The following CSMD3 variants were observed in gnomAD, a reference collection of about 807,000 sequenced individuals.
The protein encoded by CSMD3 is CUB and Sushi multiple domains 3.
CSMD3 carries 177 observed loss-of-function variants against 435.2 expected under a neutral mutation model. The ratio of observed to expected loss-of-function variants is 0.41; its 90% CI spans 0.36 to 0.46. The LOEUF (loss-of-function observed/expected upper bound fraction) is 0.46. CSMD3 is among the 20% of genes least tolerant of loss of function. CSMD3 has a pLI of 0.34. For missense variants in CSMD3, 4,265 were observed against 4,504.6 expected, an observed-to-expected ratio of 0.95 and a Z score of 1.52; for synonymous variants, 1,656 against 1,520.5, an observed-to-expected ratio of 1.09 and a Z score of -2.07.
At chr8:113,273,183 T>C (rs2093543151) in intron 3 of CSMD3, among the ~76,000 whole-genome samples, 1 of 152,004 alleles carries the variant, frequency 6.6e-6, no homozygotes, top group Admixed American at 6.6e-5. Context: ...AATAAAACAT[T>C]TTCTTGATTA....
intron 2 of CSMD3, among the ~76,000 whole-genome samples, chr8:113,293,410 G>A (rs1000825723): frequency 8.6e-5 from 13 of 152,036 alleles, no homozygotes; most frequent in Admixed American, 7.9e-4. Context: ...CTGTGGAAGT[G>A]ACTGTATTGC....
chr8:112,609,887 C>A (rs1379890013), intron 22 of CSMD3, among the ~76,000 whole-genome samples: 1 of 151,970 alleles, frequency 6.6e-6, no homozygotes, highest in Non-Finnish European at 1.5e-5. Flanking sequence ...GATGAACCTG[C>A]AAGACATTAT....
chr8:112,477,720 A>G (rs10087026), intron 31 of CSMD3, among the ~76,000 whole-genome samples: 124,464 of 152,182 alleles, frequency 0.82, 51,461 homozygotes, highest in African/African-American at 0.93. Context: ...TGGTGAAGCC[A>G]TGCTTCTTGT....
chr8:112,916,623 C>G (rs2082579685), intron 10 of CSMD3, among the ~76,000 whole-genome samples: 1 of 151,894 alleles, frequency 6.6e-6, no homozygotes, highest in African/African-American at 2.4e-5. Flanking sequence ...AAGGCATCAA[C>G]AACTACAGAA....
chr8:112,918,239 A>G (rs2082630173), intron 10 of CSMD3, among the ~76,000 whole-genome samples: 1 of 151,902 alleles, frequency 6.6e-6, no homozygotes, highest in South Asian at 2.1e-4. Flanking sequence ...AATAATAACA[A>G]TTTCATGCTT....
chr8:112,391,755 T>C (rs2129747667), intron 35 of CSMD3, among the ~76,000 whole-genome samples: 1 of 151,910 alleles, frequency 6.6e-6, no homozygotes, highest in East Asian at 1.9e-4. Context: ...TCCATGTCCT[T>C]AGATGGAACT....
chr8:113,345,380 C>T (rs1259001733), intron 1 of CSMD3, among the ~76,000 whole-genome samples: 1 of 152,076 alleles, frequency 6.6e-6, no homozygotes, highest in Admixed American at 6.6e-5. Context: ...AAGTTTTAGA[C>T]ATTAACATTT....
At chr8:113,110,764 G>C (rs920562261) in intron 4 of CSMD3, among the ~76,000 whole-genome samples, 1 of 152,116 alleles carries the variant, frequency 6.6e-6, no homozygotes, top group East Asian at 1.9e-4. Flanking sequence ...GCTTCCACAT[G>C]TTTAGGTATT....
intron 28 of CSMD3, among the ~76,000 whole-genome samples, chr8:112,513,258 C>T (rs1391678857): frequency 6.6e-6 from 1 of 152,216 alleles, no homozygotes; most frequent in Non-Finnish European, 1.5e-5. Context: ...GGGCTTTCAA[C>T]TGGCCTTCCT....
intron 13 of CSMD3, among the ~76,000 whole-genome samples, chr8:112,795,504 A>T (rs1318438387): frequency 1.3e-5 from 2 of 152,160 alleles, no homozygotes; most frequent in African/African-American, 4.8e-5. Flanking sequence ...ATTCACTGCC[A>T]TCCAAAGAAG....
Position 112,306,003 on chromosome 8 carries a change from A to T in CSMD3, c.8071+4T>A, listed in dbSNP as rs1324768418. On this transcript the variant is annotated splice_donor_region_variant and intron_variant, in intron 51 of 70. Coordinates refer to ENST00000297405, the MANE Select transcript of CSMD3 (RefSeq NM_198123.2). ...AAGTGATGAAATTCCCTTGACACAC[A>T]TACCAACACAGCGAGGGGTCTTGTT... 3.1e-6 allele frequency: 5 copies of T among 1,612,134 alleles called. No individual in the cohort carries two copies. The highest frequency in any genetic ancestry group is 2.2e-5 in the East Asian group (1 of 44,818).
intron 4 of CSMD3, among the ~76,000 whole-genome samples, chr8:113,128,486 G>A (rs563147820): frequency 6.6e-6 from 1 of 151,970 alleles, no homozygotes; most frequent in South Asian, 2.1e-4. Flanking sequence ...ATTATGCAAT[G>A]CTTATGTCAA....
intron 32 of CSMD3, among the ~76,000 whole-genome samples, chr8:112,449,628 C>T (rs1816032760): frequency 1.3e-5 from 2 of 152,290 alleles, no homozygotes; most frequent in East Asian, 1.9e-4. Flanking sequence ...CAACATTTTG[C>T]TACTTTCTTC....
chr8:112,427,923 C>T (rs1813249758), intron 32 of CSMD3, among the ~76,000 whole-genome samples: 1 of 152,158 alleles, frequency 6.6e-6, no homozygotes, highest in African/African-American at 2.4e-5. Context: ...TTATTCTCCA[C>T]ACTTTTATGG....
At chr8:113,433,341 C>A (rs760357622) in intron 1 of CSMD3, among the ~76,000 whole-genome samples, 15 of 152,128 alleles carry the variant, frequency 9.9e-5, no homozygotes, top group Non-Finnish European at 1.9e-4. Context: ...GTGTCAGTCC[C>A]CGGGACACAC....
intron 3 of CSMD3, among the ~76,000 whole-genome samples, chr8:113,179,885 C>G (rs1382721027): frequency 1.3e-5 from 2 of 151,490 alleles, no homozygotes; most frequent in African/African-American, 4.8e-5. Context: ...AAAAAAATAC[C>G]CAATTTGTTG....
intron 1 of CSMD3, among the ~76,000 whole-genome samples, chr8:113,432,612 G>C (rs139966166): frequency 3.5e-4 from 53 of 152,328 alleles, no homozygotes; most frequent in Middle Eastern, 3.4e-3. Flanking sequence ...GTCGTTGAAC[G>C]GATCTGGGGG....
chr8:112,635,568 T>C (rs1009364660), intron 22 of CSMD3, among the ~76,000 whole-genome samples: 2 of 152,046 alleles, frequency 1.3e-5, no homozygotes, highest in Non-Finnish European at 2.9e-5. Flanking sequence ...GAGAGTATGA[T>C]TACTTATCAC....
At chr8:112,712,295 A>C (rs1587044080) in intron 13 of CSMD3, among the ~76,000 whole-genome samples, 1 of 152,304 alleles carries the variant, frequency 6.6e-6, no homozygotes, top group African/African-American at 2.4e-5. Context: ...AGAAGGGGTA[A>C]TTAAAATTTT....
Sources: gnomAD v4.1 joint callset for allele counts (sites outside exome capture counted in the v4.1 genomes callset) on GRCh38, gnomAD v4.1.1 for gene constraint, MANE v1.5 for transcripts, NCBI Gene and HGNC (gene_info 2026-07-23, HGNC 2026-07-21) for gene names.